Variants in SSBP2 observed in about 807,000 individuals in gnomAD.
SSBP2 encodes single-stranded DNA-binding protein 2.
Under a neutral mutation model 61.8 loss-of-function variants are expected in SSBP2, and 17 were observed. The ratio of observed to expected loss-of-function variants is 0.28; its 90% CI spans 0.19 to 0.41. SSBP2 has a LOEUF of 0.41. Ranked by LOEUF, SSBP2 falls within the 10% of genes least tolerant of loss-of-function variation. The pLI, the probability that SSBP2 is intolerant of heterozygous loss-of-function variation, is 1.00. For missense variants in SSBP2, 310 were observed against 458.7 expected (o/e 0.68, Z 2.96); for synonymous variants, 139 against 141.3 (o/e 0.98, Z 0.12).
At chr5:81,673,980 T>C (rs566055523) in intron 1 of SSBP2, among the ~76,000 whole-genome samples, 2 of 152,286 alleles carry the variant, frequency 1.3e-5, no homozygotes, top group Non-Finnish European at 2.9e-5. Context: ...TTTATATCCA[T>C]TGAATAGAGG....
chr5:81,548,923 A>T (rs546903759), intron 4 of SSBP2, among the ~76,000 whole-genome samples: 1 of 152,270 alleles, frequency 6.6e-6, no homozygotes, highest in East Asian at 1.9e-4. Context: ...CTCCATCTCA[A>T]AAAAAAGTAC....
At chr5:81,686,399 C>A (rs1192485317) in intron 1 of SSBP2, among the ~76,000 whole-genome samples, 2 of 152,078 alleles carry the variant, frequency 1.3e-5, no homozygotes, top group African/African-American at 4.8e-5. Context: ...ATAAACAAAT[C>A]TAAGACAGAA....
chr5:81,657,300 T>C (rs946027911), intron 1 of SSBP2, among the ~76,000 whole-genome samples: 1 of 152,088 alleles, frequency 6.6e-6, no homozygotes, highest in African/African-American at 2.4e-5. Context: ...ATTATAGCAG[T>C]GAAAAACTGG....
At chr5:81,428,736 T>C in intron 15 of SSBP2, 53 bp from the exon 16 acceptor site, 2 of 1,316,850 alleles carry the variant, frequency 1.5e-6, no homozygotes, top group South Asian at 2.4e-5. Context: ...AATTTCCCTC[T>C]TGCACTGTAC....
chr5:81,433,239 G>A (rs1040655147), intron 15 of SSBP2, among the ~76,000 whole-genome samples: 10 of 152,066 alleles, frequency 6.6e-5, no homozygotes, highest in Non-Finnish European at 1.2e-4. Flanking sequence ...AGACATGGGA[G>A]ACTTTTCATT....
Position 81,437,421 on chromosome 5 carries a change from A to G in SSBP2, c.957+9T>C, listed in dbSNP as rs1762740938. On this transcript the variant is annotated intron_variant, in intron 15 of 16. Transcript: ENST00000320672. Reference sequence around the variant, plus strand: ...TGATTAAAAACAACACAGAATACACAGCACTCACCTTGGAAATACTGTCCA... The same window carrying G: ...TGATTAAAAACAACACAGAATACACGGCACTCACCTTGGAAATACTGTCCA... 1 of 1,604,996 alleles carries G rather than the reference A, an allele frequency of 6.2e-7. No homozygotes were observed. Among genetic ancestry groups the G allele is most frequent in the African/African-American group, 1.3e-5 (1 of 74,438 alleles).
intron 4 of SSBP2, among the ~76,000 whole-genome samples, chr5:81,610,187 G>A (rs1045701827): frequency 4.6e-5 from 7 of 152,152 alleles, no homozygotes; most frequent in South Asian, 4.1e-4. Flanking sequence ...CAGGCAGCAC[G>A]GCTGAGCAAG....
chr5:81,558,193 A>G (rs1375052084), intron 4 of SSBP2, among the ~76,000 whole-genome samples: 1 of 152,200 alleles, frequency 6.6e-6, no homozygotes, highest in Non-Finnish European at 1.5e-5. Flanking sequence ...CTTCATTGAA[A>G]TCACTTACCT....
In SSBP2 at chr5:81,739,817, T is replaced by C. The variant is rs938262988; in HGVS notation, c.62+11164A>G. On this transcript the variant is annotated intron_variant, in intron 1 of 16. Coordinates refer to ENST00000320672, the MANE Select transcript of SSBP2 (RefSeq NM_012446.5). Reference sequence around the variant, plus strand: ...AGCCCTACTTTCTTACGCTATTCTATATACAATTATTATTCTGTACAATTC... The same window carrying C: ...AGCCCTACTTTCTTACGCTATTCTACATACAATTATTATTCTGTACAATTC... Among the ~76,000 whole-genome samples, 5 of 152,342 alleles carry C rather than the reference T, an allele frequency of 3.3e-5. 1 individual carries two copies. Among genetic ancestry groups the C allele is most frequent in the Admixed American group, 3.3e-4 (5 of 15,298 alleles).
chr5:81,597,799 A>C (rs1743928891), intron 4 of SSBP2, among the ~76,000 whole-genome samples: 1 of 147,286 alleles, frequency 6.8e-6, no homozygotes, highest in African/African-American at 2.5e-5. Context: ...ATAGGTGGGA[A>C]ATGAACAATG....
At chr5:81,657,158 A>G (rs1750304523) in intron 1 of SSBP2, among the ~76,000 whole-genome samples, 1 of 152,198 alleles carries the variant, frequency 6.6e-6, no homozygotes, top group Non-Finnish European at 1.5e-5. Context: ...TCCTATTTAG[A>G]AAGAAATAAA....
chr5:81,601,864 A>G (rs936220524), intron 4 of SSBP2, among the ~76,000 whole-genome samples: 1 of 152,198 alleles, frequency 6.6e-6, no homozygotes, highest in Non-Finnish European at 1.5e-5. Context: ...TGTGAACTAA[A>G]GACACAAATC....
intron 5 of SSBP2, among the ~76,000 whole-genome samples, chr5:81,498,074 C>T (rs2154066315): frequency 6.6e-6 from 1 of 152,128 alleles, no homozygotes; most frequent in South Asian, 2.1e-4. Context: ...CTATAATATT[C>T]AGGTCTCAGA....
chr5:81,469,058 C>T (rs929431076), intron 8 of SSBP2, among the ~76,000 whole-genome samples: 16 of 151,860 alleles, frequency 1.1e-4, no homozygotes, highest in African/African-American at 3.9e-4. Flanking sequence ...TGTTTTATTT[C>T]CCCTCATTTT....
chr5:81,520,924 A>T (rs1769431805), intron 4 of SSBP2, among the ~76,000 whole-genome samples: 1 of 151,884 alleles, frequency 6.6e-6, no homozygotes, highest in Admixed American at 6.6e-5. Flanking sequence ...TTTCTTTTTC[A>T]TGTTTAGTAA....
At chr5:81,668,098 G>A (rs535056562) in intron 1 of SSBP2, among the ~76,000 whole-genome samples, 2 of 151,844 alleles carry the variant, frequency 1.3e-5, no homozygotes, top group East Asian at 3.9e-4. Context: ...GCACTGCTTC[G>A]TGCTGGGAGG....
In SSBP2 at chr5:81,722,858, T is replaced by C. The variant is rs1268350852; in HGVS notation, c.62+28123A>G. 2.6e-5 allele frequency among the ~76,000 whole-genome samples: 4 copies of C among 151,940 alleles called. 1 individual carries two copies. The highest frequency in any genetic ancestry group is 4.1e-4 in the South Asian group (2 of 4,824). On this transcript the variant is annotated intron_variant, in intron 1 of 16. Coordinates refer to ENST00000320672, the MANE Select transcript of SSBP2 (RefSeq NM_012446.5). ...GTGACACACCATCTTCTGGTGTACA[T>C]GCATAATCACAATATCAAAATTCTA...
At chr5:81,493,397 AC>A (rs1353345906) in intron 5 of SSBP2, among the ~76,000 whole-genome samples, 9 of 151,268 alleles carry the variant, frequency 5.9e-5, no homozygotes, top group South Asian at 4.2e-4. Context: ...TAATCCTTCC[AC>A]CTCAGCCTCC....
chr5:81,590,429 C>T (rs1378655367), intron 4 of SSBP2, among the ~76,000 whole-genome samples: 1 of 152,190 alleles, frequency 6.6e-6, no homozygotes, highest in East Asian at 1.9e-4. Flanking sequence ...TTTTCTTTAA[C>T]TCTATCAAAG....
Sources: gnomAD v4.1 joint callset for allele counts (sites outside exome capture counted in the v4.1 genomes callset) on GRCh38, gnomAD v4.1.1 for gene constraint, MANE v1.5 for transcripts, NCBI Gene and HGNC (gene_info 2026-07-23, HGNC 2026-07-21) for gene names.